RALYL: variants seen among roughly 807,000 people sequenced by gnomAD.
RALYL encodes the protein RALY RNA binding protein like, also known as RNA-binding Raly-like protein.
RALYL carries 29 observed loss-of-function variants against 35.1 expected under a neutral mutation model. That is an observed-to-expected ratio of 0.83 (90% confidence interval 0.61 to 1.13). RALYL has a LOEUF of 1.13. Ranked by LOEUF, RALYL falls within the 50% of genes most tolerant of loss-of-function variation. The pLI, the probability that RALYL is intolerant of heterozygous loss-of-function variation, is 0.00. For missense variants in RALYL, 359 were observed against 360.4 expected (o/e 1.00, Z 0.03); for synonymous variants, 120 against 127.6 (o/e 0.94, Z 0.40).
At chr8:84,895,060 A>T (rs915829357) in intron 8 of RALYL, among the ~76,000 whole-genome samples, 1 of 152,210 alleles carries the variant, frequency 6.6e-6, no homozygotes. Context: ...TAAAAGGCAC[A>T]TGCTTGGCAC....
chr8:84,458,808 T>C (rs2050422799), intron 1 of RALYL, among the ~76,000 whole-genome samples: 1 of 151,674 alleles, frequency 6.6e-6, no homozygotes, highest in Non-Finnish European at 1.5e-5. Flanking sequence ...GGTATTAAAA[T>C]ATAAAATTAT....
At position 84,373,886 on chromosome 8, in the gene RALYL, A is replaced by G. The variant is rs1856415672; in HGVS notation, c.-23-155413A>G. The stretch of plus-strand genomic sequence containing the variant: ...TGTTTGTTTCATCTCTGATTTCTTC[A>G]AGCTGTGTTTTGTATTTCTCCTTTT... On this transcript the variant is annotated intron_variant, in intron 1 of 8. Transcript: ENST00000521268. Among the ~76,000 whole-genome samples the G allele has an allele frequency of 2.6e-5, 4 of 151,756 alleles. No homozygotes were observed. The South Asian group carries it at 8.3e-4, about 31-fold the overall frequency.
In RALYL at chr8:84,304,163, G is replaced by A. The variant is rs571125310; in HGVS notation, c.-24+119739G>A. Among the ~76,000 whole-genome samples the A allele has an allele frequency of 2.0e-5, 3 of 151,982 alleles. No individual in the cohort carries two copies. The East Asian group carries it at 5.8e-4, about 29-fold the overall frequency. On this transcript the variant is annotated intron_variant, in intron 1 of 8. Transcript: ENST00000521268. ...GATGGAGTCTCATTCTGTTGCCCAG[G>A]CTGGAGTGCAGTGGCGCGATCTCAG...
At chr8:84,801,765 G>T (rs1027807723) in intron 3 of RALYL, among the ~76,000 whole-genome samples, 2 of 152,156 alleles carry the variant, frequency 1.3e-5, no homozygotes, top group Non-Finnish European at 1.5e-5. Flanking sequence ...GAATGACATG[G>T]AAAACTGGTG....
At chr8:84,709,780 G>A (rs551713124) in intron 2 of RALYL, among the ~76,000 whole-genome samples, 2 of 152,232 alleles carry the variant, frequency 1.3e-5, no homozygotes, top group African/African-American at 4.8e-5. Flanking sequence ...CCAATTGTCA[G>A]CCAGGCGCAG....
chr8:84,229,460 T>C (rs1159843892), intron 1 of RALYL, among the ~76,000 whole-genome samples: 1 of 152,212 alleles, frequency 6.6e-6, no homozygotes, highest in Non-Finnish European at 1.5e-5. Context: ...CAATTGCTAC[T>C]TGTGTTTCTT....
At chr8:84,413,817 C>A (rs552706144) in intron 1 of RALYL, among the ~76,000 whole-genome samples, 5 of 152,098 alleles carry the variant, frequency 3.3e-5, no homozygotes, top group Admixed American at 1.3e-4. Context: ...TCAATATCAG[C>A]TTATTTCCTA....
At chr8:84,609,164 A>T (rs1355829098) in intron 2 of RALYL, among the ~76,000 whole-genome samples, 3 of 152,148 alleles carry the variant, frequency 2.0e-5, no homozygotes, top group African/African-American at 7.2e-5. Flanking sequence ...CATCAAAGAG[A>T]TTTACACAAT....
At chr8:84,312,215 A>G (rs1842947315) in intron 1 of RALYL, among the ~76,000 whole-genome samples, 1 of 152,170 alleles carries the variant, frequency 6.6e-6, no homozygotes. Flanking sequence ...AGCATAGGGG[A>G]GACTGCCCCC....
In RALYL at chr8:84,640,336, C is replaced by T. The variant is rs997858266; in HGVS notation, c.256+110759C>T. 5.3e-5 allele frequency among the ~76,000 whole-genome samples: 8 copies of T among 151,844 alleles called. No individual in the cohort carries two copies. The East Asian group carries it at 1.6e-3, about 29-fold the overall frequency. On this transcript the variant is annotated intron_variant, in intron 2 of 8. Coordinates refer to ENST00000521268, the MANE Select transcript of RALYL (RefSeq NM_173848.7). ...AAAACCTAAAATGTTGTCTCTTAAG[C>T]GAGTTATCAGAAAGGCAAAGAAAAA...
intron 2 of RALYL, among the ~76,000 whole-genome samples, chr8:84,612,812 C>A (rs756751281): frequency 1.5e-4 from 22 of 151,700 alleles, no homozygotes; most frequent in Admixed American, 5.9e-4. Flanking sequence ...AGTTCAATAT[C>A]CTTGGAACAA....
intron 2 of RALYL, among the ~76,000 whole-genome samples, chr8:84,640,546 A>G (rs1826090348): frequency 6.6e-6 from 1 of 152,034 alleles, no homozygotes; most frequent in African/African-American, 2.4e-5. Context: ...AAATTTAGAC[A>G]TATCAAGAAA....
intron 1 of RALYL, among the ~76,000 whole-genome samples, chr8:84,204,321 A>G (rs957843057): frequency 6.6e-6 from 1 of 152,098 alleles, no homozygotes; most frequent in Non-Finnish European, 1.5e-5. Context: ...TATCTAGAAA[A>G]ACACTGATAA....
Position 84,460,166 on chromosome 8 carries a change from G to A in RALYL, c.-23-69133G>A, listed in dbSNP as rs185345299. 5.3e-5 allele frequency among the ~76,000 whole-genome samples: 8 copies of A among 151,790 alleles called. No homozygotes were observed. The East Asian group carries it at 1.6e-3, about 30-fold the overall frequency. ...GATAAAATGGTATTTTGAAAGGGTAGAATATAGGATTTTAAAATGTGCAAT... is the reference window on the plus strand; with the variant it reads ...GATAAAATGGTATTTTGAAAGGGTAAAATATAGGATTTTAAAATGTGCAAT... On this transcript the variant is annotated intron_variant, in intron 1 of 8. Transcript: ENST00000521268.
chr8:84,468,122 T>G (rs1036086064), intron 1 of RALYL, among the ~76,000 whole-genome samples: 9 of 151,864 alleles, frequency 5.9e-5, no homozygotes, highest in Non-Finnish European at 1.2e-4. Flanking sequence ...GTCTTTTAAT[T>G]GGAGAATTTA....
chr8:84,793,451 C>T (rs756675856), intron 3 of RALYL, among the ~76,000 whole-genome samples: 10 of 152,234 alleles, frequency 6.6e-5, no homozygotes, highest in East Asian at 1.9e-4. Context: ...GGAGACCATT[C>T]GAGACATTGA....
intron 1 of RALYL, among the ~76,000 whole-genome samples, chr8:84,428,195 C>T (rs1220988793): frequency 1.3e-5 from 2 of 151,578 alleles, no homozygotes; most frequent in Non-Finnish European, 2.9e-5. Flanking sequence ...ATAAATAACT[C>T]TATAGAATAT....
chr8:84,695,415 A>T (rs565619269), intron 2 of RALYL, among the ~76,000 whole-genome samples: 1 of 151,822 alleles, frequency 6.6e-6, no homozygotes, highest in African/African-American at 2.4e-5. Flanking sequence ...AGGGTTTTCT[A>T]TCACCACTGA....
intron 5 of RALYL, among the ~76,000 whole-genome samples, chr8:84,850,518 A>G (rs12544078): frequency 0.024 from 3,701 of 152,358 alleles, 288 homozygotes; most frequent in Admixed American, 0.15. Context: ...ATGAGGAAAA[A>G]ACAGGATTGT....
Sources: allele counts gnomAD v4.1 joint callset (sites outside exome capture counted in the v4.1 genomes callset), GRCh38; gene constraint gnomAD v4.1.1; transcripts MANE v1.5; gene names NCBI Gene and HGNC (gene_info 2026-07-23, HGNC 2026-07-21).